TOGARAM2: variants seen among roughly 807,000 people sequenced by gnomAD.
The protein encoded by TOGARAM2 is TOG array regulator of axonemal microtubules protein 2.
TOGARAM2 carries 85 observed loss-of-function variants against 93.3 expected under a neutral mutation model. The observed-to-expected ratio is 0.91, with a 90% CI of 0.76 to 1.09. The LOEUF is 1.09. Among genes scored for constraint, TOGARAM2 ranks in the 50% least tolerant of loss-of-function variants. TOGARAM2 has a pLI of 0.00. For synonymous variants in TOGARAM2, 593 were observed against 552.8 expected (o/e 1.07, Z -1.02); for missense variants, 1,277 against 1,334.5 (o/e 0.96, Z 0.67).
At chr2:28,978,094 A>G (rs932649266), upstream of TOGARAM2, among the ~76,000 whole-genome samples, 4 of 152,116 alleles carry the variant, frequency 2.6e-5, no homozygotes, top group Admixed American at 2.6e-4. Flanking sequence ...TTTGGTAGAG[A>G]CGGGGTTTTA....
intron 16 of TOGARAM2, among the ~76,000 whole-genome samples, chr2:29,034,177 C>T (rs376044491): frequency 8.7e-4 from 132 of 152,230 alleles, no homozygotes; most frequent in African/African-American, 2.5e-3. Context: ...CTTCCTGTCT[C>T]GGCCTGACCA....
Position 29,017,895 on chromosome 2 carries a change from G to T in TOGARAM2, c.1299G>T (p.Arg433=). 2 of 1,610,178 alleles carry T rather than the reference G, an allele frequency of 1.2e-6. No homozygotes were observed. The highest frequency in any genetic ancestry group is 1.7e-6 in the Non-Finnish European group (2 of 1,177,210). ...VSIILRKWAS[R]ASLPSIPISR... ...TCATCCTGAGGAAGTGGGCCAGCCG[G>T]GCCTCCCTGCCCAGCATCCCCATCA... The change falls in exon 10 of 20, where the codon CGG becomes CGT. Residue 433 remains arginine, a synonymous_variant. Coordinates refer to ENST00000379558, the MANE Select transcript of TOGARAM2 (RefSeq NM_199280.4).
At chr2:29,026,763 G>A in intron 13 of TOGARAM2, 90 bp from the exon 14 acceptor site, 2 of 1,318,896 alleles carry the variant, frequency 1.5e-6, no homozygotes, top group East Asian at 3.0e-5. Context: ...CATGAAGCAT[G>A]GGTCTGCAAT....
chr2:29,047,233 A>G (rs1454328621), intron 19 of TOGARAM2: 1 of 152,338 alleles, frequency 6.6e-6, no homozygotes, highest in African/African-American at 2.4e-5. Flanking sequence ...AGAACAGGGT[A>G]TGTAAGTAAG....
intron 11 of TOGARAM2, 24 bp downstream of exon 11, chr2:29,022,332 G>A: frequency 1.9e-6 from 3 of 1,612,844 alleles, no homozygotes; most frequent in Non-Finnish European, 8.5e-7. Context: ...TCCACCACGT[G>A]CTGTGTTCTG....
chr2:28,985,983 C>T (rs917800308), intron 1 of TOGARAM2, among the ~76,000 whole-genome samples: 1 of 152,050 alleles, frequency 6.6e-6, no homozygotes, highest in Non-Finnish European at 1.5e-5. Context: ...CATGGTGGCA[C>T]ATGCCTGTAA....
In TOGARAM2 at chr2:28,984,708, C is replaced by G. The variant is rs534185349; in HGVS notation, c.-111+3170C>G. ...ACTATGATCAAGTGCTAGGATAACT[C>G]TTACCTTGATGGTGGAAATCTCAGG... On this transcript the variant is annotated intron_variant, in intron 1 of 19. Transcript: ENST00000379558. 3.9e-5 allele frequency among the ~76,000 whole-genome samples: 6 copies of G among 152,346 alleles called. No individual in the cohort carries two copies. The South Asian group carries it at 1.0e-3, about 26-fold the overall frequency.
chr2:29,026,002 G>A (rs1041265079), intron 13 of TOGARAM2, among the ~76,000 whole-genome samples: 6 of 152,140 alleles, frequency 3.9e-5, no homozygotes, highest in South Asian at 4.1e-4. Context: ...AGCCAGCCCC[G>A]AGGGGCCTGG....
intron 1 of TOGARAM2, among the ~76,000 whole-genome samples, chr2:28,991,031 TGTGTG>T (rs1558406591): frequency 0.012 from 1,677 of 140,688 alleles, 45 homozygotes; most frequent in East Asian, 0.12. Flanking sequence ...TGTGTGTGTG[TGTGTG>T]TGTGGCTTTT....
intron 1 of TOGARAM2, among the ~76,000 whole-genome samples, chr2:28,973,311 T>C (rs1671974331): frequency 6.6e-6 from 1 of 151,898 alleles, no homozygotes; most frequent in Admixed American, 6.6e-5. Context: ...TATGATTGCC[T>C]TTCTGTTTGA....
At chr2:28,960,018 G>C (rs903449928) in intron 1 of TOGARAM2, among the ~76,000 whole-genome samples, 25 of 152,170 alleles carry the variant, frequency 1.6e-4, no homozygotes, top group African/African-American at 6.0e-4. Flanking sequence ...TAGGCAGTTG[G>C]AACACAGAGA....
At chr2:28,989,800 G>A (rs1672633657) in intron 1 of TOGARAM2, among the ~76,000 whole-genome samples, 1 of 152,268 alleles carries the variant, frequency 6.6e-6, no homozygotes, top group Admixed American at 6.5e-5. Flanking sequence ...AAAGTGCCAG[G>A]ATTACAGCAG....
intron 1 of TOGARAM2, among the ~76,000 whole-genome samples, chr2:28,993,402 G>A (rs1271631641): frequency 6.6e-6 from 1 of 152,178 alleles, no homozygotes; most frequent in African/African-American, 2.4e-5. Flanking sequence ...GACTTTGTCT[G>A]GAAACCAGCT....
At chr2:28,989,860 C>T (rs543081999) in intron 1 of TOGARAM2, among the ~76,000 whole-genome samples, 95 of 152,374 alleles carry the variant, frequency 6.2e-4, no homozygotes, top group Middle Eastern at 3.4e-3. Flanking sequence ...AGTTTAGCAA[C>T]GTGCCTTCAG....
chr2:29,009,503 G>A (rs917302440), intron 6 of TOGARAM2, among the ~76,000 whole-genome samples: 1 of 151,770 alleles, frequency 6.6e-6, no homozygotes, highest in Non-Finnish European at 1.5e-5. Context: ...GCAGAGGCAG[G>A]GAGTCTGTGG....
chr2:28,999,987 C>A (rs1251212440), intron 4 of TOGARAM2, among the ~76,000 whole-genome samples: 1 of 152,068 alleles, frequency 6.6e-6, no homozygotes, highest in Non-Finnish European at 1.5e-5. Context: ...AAAATCCCCA[C>A]CCAGCCTCCC....
intron 5 of TOGARAM2, 96 bp downstream of exon 5, chr2:29,002,843 G>C: frequency 8.5e-7 from 1 of 1,180,304 alleles, no homozygotes; most frequent in Non-Finnish European, 1.2e-6. Flanking sequence ...CTGACTCCAT[G>C]CCCTGAGCAT....
At chr2:29,033,193 A>C (rs751479547) in intron 15 of TOGARAM2, 142 bp downstream of exon 15, 19 of 728,268 alleles carry the variant, frequency 2.6e-5, no homozygotes, top group African/African-American at 5.3e-5. Flanking sequence ...GATAGGTGAG[A>C]TAGATGTGAT....
chr2:28,981,954 C>T (rs1040133718), intron 1 of TOGARAM2, among the ~76,000 whole-genome samples: 6 of 152,096 alleles, frequency 3.9e-5, no homozygotes, highest in South Asian at 2.1e-4. Flanking sequence ...GGATGGCACC[C>T]GTGCTTAGGG....
Sources: gnomAD v4.1 joint callset for allele counts (sites outside exome capture counted in the v4.1 genomes callset) on GRCh38, gnomAD v4.1.1 for gene constraint, MANE v1.5 for transcripts, NCBI Gene and HGNC (gene_info 2026-07-23, HGNC 2026-07-21) for gene names.